Variants in LPA observed in about 807,000 individuals in gnomAD.
LPA encodes lipoprotein(a).
LPA carries 199 observed loss-of-function variants against 197.9 expected under a neutral mutation model. The observed-to-expected ratio is 1.01, with a 90% CI of 0.90 to 1.13. The LOEUF (loss-of-function observed/expected upper bound fraction) is 1.13, where lower values mean the gene tolerates loss of function less well. LPA is among the 50% of genes most tolerant of loss of function. LPA has a pLI of 0.00. For synonymous variants in LPA, 715 were observed against 639.5 expected (o/e 1.12, Z -1.78); for missense variants, 1,853 against 1,785.8 (o/e 1.04, Z -0.68).
Position 160,590,898 on chromosome 6 carries a change from T to C in LPA, c.3787+46A>G, listed in dbSNP as rs565374566. On this transcript the variant is annotated intron_variant, in intron 23 of 38. Coordinates refer to ENST00000316300, the MANE Select transcript of LPA (RefSeq NM_005577.4). ...ATCACTAAGATTTTGCAACTCTTTT[T>C]ATCCCAACGTCCAAGGGTGTGGTTG... is the stretch of plus-strand genomic sequence containing the variant. 2.9e-5 allele frequency: 47 copies of C among 1,613,264 alleles called. No homozygotes were observed. The South Asian group carries it at 4.6e-4, about 16-fold the overall frequency.
At chr6:160,582,210 A>G (rs1375377382) in intron 26 of LPA, among the ~76,000 whole-genome samples, 1 of 150,144 alleles carries the variant, frequency 6.7e-6, no homozygotes, top group Non-Finnish European at 1.5e-5. Context: ...TTCTGACTTG[A>G]TCTTTTTTTT....
rs1386690525 is a variant in LPA, at chr6:160,542,718, G to C, written c.5489C>G (p.Ser1830Cys). Residue 1830 changes from serine (S) to cysteine (C), a missense_variant, in exon 34 of 39, where the codon TCC (serine) becomes TGC (cysteine). By Grantham distance (112) the Ser-to-Cys change is moderately radical (BLOSUM62 -1). Around this residue, in one of 3 missense-constraint regions of LPA, gnomAD observed 1,737 missense variants for 1,504.4 expected, o/e 1.15. Transcript: ENST00000316300. Reference protein sequence around the residue: ...IVGGCVAHPHSWPWQVSLRTR... With the variant: ...IVGGCVAHPHCWPWQVSLRTR... ...TCTGAGACTGACTTGCCAGGGCCAG[G>C]AATGTGGGTGGGCCACACACCCCCC... 6.2e-7 allele frequency: 1 copy of C among 1,613,944 alleles called. No individual in the cohort carries two copies. The highest frequency in any genetic ancestry group is 8.5e-7 in the Non-Finnish European group (1 of 1,179,980).
At chr6:160,541,786 T>C (rs1438762549) in intron 34 of LPA, among the ~76,000 whole-genome samples, 2 of 152,194 alleles carry the variant, frequency 1.3e-5, no homozygotes. Context: ...AGTATGTTGA[T>C]AGTCAGTGAG....
chr6:160,648,288 C>T (rs545624978), intron 2 of LPA, among the ~76,000 whole-genome samples: 1 of 152,064 alleles, frequency 6.6e-6, no homozygotes, highest in African/African-American at 2.4e-5. Context: ...TGTCTTTGCC[C>T]TCTGACAGTT....
At position 160,589,664 on chromosome 6, in the gene LPA, C is replaced by G. The variant is rs990065247; in HGVS notation, c.3836G>C (p.Gly1279Ala). The change falls in exon 24 of 39, where the codon GGA becomes GCA. Residue 1279 changes from glycine (G) to alanine (A), a missense_variant. This residue lies in a region of LPA where 1,737 missense variants were observed against 1,504.4 expected (regional missense o/e 1.15). Transcript: ENST00000316300. ...PTVQDCYHGD[G>A]QSYRGSFSTT... is the part of the protein sequence containing the mutation. ...GGAGAATGAGCCTCGATAACTCTGTCCATCACCATGGTAGCAGTCCTGGAC... is the reference window on the plus strand; with the variant it reads ...GGAGAATGAGCCTCGATAACTCTGTGCATCACCATGGTAGCAGTCCTGGAC... 25 of 1,613,834 alleles carry G rather than the reference C, an allele frequency of 1.5e-5. No individual in the cohort carries two copies. Among genetic ancestry groups the G allele is most frequent in the Non-Finnish European group, 1.8e-5 (21 of 1,179,882 alleles).
intron 33 of LPA, among the ~76,000 whole-genome samples, chr6:160,544,591 G>T (rs559484870): frequency 9.9e-5 from 15 of 152,180 alleles, no homozygotes; most frequent in African/African-American, 3.6e-4. Flanking sequence ...TCAGGATGCT[G>T]GTCTTCAGTG....
intron 18 of LPA, among the ~76,000 whole-genome samples, 159 bp downstream of exon 18, chr6:160,604,887 C>T (rs762879390): frequency 3.3e-5 from 5 of 152,172 alleles, no homozygotes; most frequent in Non-Finnish European, 7.3e-5. Context: ...TTTGTCTTCT[C>T]TTAGACTCTT....
intron 30 of LPA, among the ~76,000 whole-genome samples, chr6:160,553,954 T>TGTGTGTGCGCGC (rs771903485): frequency 3.8e-5 from 5 of 130,748 alleles, no homozygotes; most frequent in African/African-American, 1.2e-4. Flanking sequence ...TGTGTGTGTG[T>TGTGTGTGCGCGC]GCGCGCGCGC....
chr6:160,593,847 C>T lies in LPA; in HGVS notation c.3629+111G>A, dbSNP rs1006620509. The T allele has an allele frequency of 4.4e-6, 6 of 1,350,852 alleles. No individual in the cohort carries two copies. The African/African-American group carries it at 8.6e-5, about 19-fold the overall frequency. The allele number at this position is 1,350,852 out of a possible 1,614,324, so 83.7% of individuals were successfully genotyped here. ...AAGAAGCCTGAGACATTCTACCCAA[C>T]ATTCCAGATCTGAGATAAATTTGTC... is the stretch of plus-strand genomic sequence containing the variant. On this transcript the variant is annotated intron_variant, in intron 22 of 38. Coordinates refer to ENST00000316300, the MANE Select transcript of LPA (RefSeq NM_005577.4).
Position 160,553,933 on chromosome 6 carries a change from C to CTGTGTGTGTGTGTGTG in LPA, c.4973+2091_4973+2092insCACACACACACACACA, listed in dbSNP as rs1437869346. On this transcript the variant is annotated intron_variant, in intron 30 of 38. Coordinates refer to ENST00000316300, the MANE Select transcript of LPA (RefSeq NM_005577.4). ...TCTCTCTCTCTTTCTCTCTCTCTCT[C>CTGTGTGTGTGTGTGTG]TCTCTGTGTGTGTGTGTGTGTGCGC... is the stretch of plus-strand genomic sequence containing the variant. 5.5e-4 allele frequency among the ~76,000 whole-genome samples: 38 copies of CTGTGTGTGTGTGTGTG among 68,950 alleles called. 2 individuals are homozygous for CTGTGTGTGTGTGTGTG. The South Asian group carries it at 0.016, about 29-fold the overall frequency. The allele number at this position is 68,950 out of a possible 152,430, so 45.2% of individuals were successfully genotyped here. A position where few individuals can be genotyped will look rare whatever the true frequency, so the allele number is the denominator to read the frequency against.
chr6:160,577,988 C>A (rs758312434), intron 27 of LPA, among the ~76,000 whole-genome samples: 13 of 152,080 alleles, frequency 8.5e-5, no homozygotes, highest in African/African-American at 1.2e-4. Context: ...GTGAACAGAG[C>A]CTGTGAAAGA....
chr6:160,650,417 CAGT>C lies in LPA; in HGVS notation c.127_129del (p.Thr43del), dbSNP rs1562352925. The C allele has an allele frequency of 6.2e-7, 1 of 1,613,898 alleles. No homozygotes were observed. Among genetic ancestry groups the C allele is most frequent in the Non-Finnish European group, 8.5e-7 (1 of 1,179,838 alleles). Reference sequence around the variant, plus strand: ...CAAGCTTGGCAGGTCCTTCCTGTGACAGTGGTGGAGTACGTGCCTCGATAACTC... The same window carrying C: ...CAAGCTTGGCAGGTCCTTCCTGTGACGGTGGAGTACGTGCCTCGATAACTC... On this transcript the variant is annotated inframe_deletion, in exon 2 of 39. Coordinates refer to ENST00000316300, the MANE Select transcript of LPA (RefSeq NM_005577.4).
chr6:160,659,319 T>C (rs760202389), intron 1 of LPA, among the ~76,000 whole-genome samples: 38 of 152,122 alleles, frequency 2.5e-4, no homozygotes, highest in Non-Finnish European at 4.4e-4. Flanking sequence ...ACTCAGGATC[T>C]TTTTTCCTTC....
In LPA at chr6:160,577,195, T is replaced by A; in HGVS notation, c.4572A>T (p.Gln1524His). The change falls in exon 28 of 39, where the codon CAA becomes CAT. Residue 1524 changes from glutamine (Q) to histidine (H), a missense_variant. Gln to His is a conservative substitution (Grantham distance 24). Around this residue, in one of 3 missense-constraint regions of LPA, gnomAD observed 1,737 missense variants for 1,504.4 expected, o/e 1.15. Coordinates refer to ENST00000316300, the MANE Select transcript of LPA (RefSeq NM_005577.4). ...AGTGTGGTATCATAGATGACCAAGATTGACAGGTCCTTCCTGTGACAGTGG... is the reference window on the plus strand; with the variant it reads ...AGTGTGGTATCATAGATGACCAAGAATGACAGGTCCTTCCTGTGACAGTGG... Reference protein sequence around the residue: ...SSTTVTGRTCQSWSSMIPHWH... With the variant: ...SSTTVTGRTCHSWSSMIPHWH... 1 of 1,613,952 alleles carries A rather than the reference T, an allele frequency of 6.2e-7. No homozygotes were observed. The highest frequency in any genetic ancestry group is 8.5e-7 in the Non-Finnish European group (1 of 1,179,858).
At chr6:160,593,694 G>T (rs1020539309) in intron 22 of LPA, among the ~76,000 whole-genome samples, 1 of 152,148 alleles carries the variant, frequency 6.6e-6, no homozygotes, top group African/African-American at 2.4e-5. Flanking sequence ...TTCTAAGCAC[G>T]TGGCCATGTG....
intron 2 of LPA, among the ~76,000 whole-genome samples, chr6:160,647,252 G>A (rs901499893): frequency 2.0e-5 from 3 of 152,186 alleles, no homozygotes; most frequent in African/African-American, 7.2e-5. Flanking sequence ...GACAGCTATG[G>A]AGGAGCAAAA....
chr6:160,650,005 G>T (rs906489830), intron 2 of LPA, among the ~76,000 whole-genome samples: 35 of 152,198 alleles, frequency 2.3e-4, no homozygotes, highest in African/African-American at 8.2e-4. Context: ...AGGAATTGGA[G>T]ATTAGAATTA....
At chr6:160,566,305 C>G (rs1445178593) in intron 28 of LPA, among the ~76,000 whole-genome samples, 2 of 152,070 alleles carry the variant, frequency 1.3e-5, no homozygotes, top group African/African-American at 4.8e-5. Flanking sequence ...AGCAGAAACT[C>G]TACAAGCCAG....
intron 18 of LPA, among the ~76,000 whole-genome samples, chr6:160,602,133 C>T (rs9355297): frequency 4.6e-5 from 7 of 151,992 alleles, no homozygotes; most frequent in African/African-American, 1.7e-4. Context: ...ACACATGTGA[C>T]CTAGTCTCAA....
Sources: allele counts gnomAD v4.1 joint callset (sites outside exome capture counted in the v4.1 genomes callset), GRCh38; gene constraint gnomAD v4.1.1; regional missense constraint gnomAD v4.1.1; transcripts MANE v1.5; gene names NCBI Gene and HGNC (gene_info 2026-07-23, HGNC 2026-07-21).